The following GPA33 variants were observed in gnomAD, a reference collection of about 807,000 sequenced individuals.
GPA33 encodes glycoprotein A33.
GPA33 carries 27 observed loss-of-function variants against 35.6 expected under a neutral mutation model. The ratio of observed to expected loss-of-function variants is 0.76; its 90% confidence interval spans 0.56 to 1.04. The LOEUF (loss-of-function observed/expected upper bound fraction) is 1.04, where lower values mean the gene tolerates loss of function less well. Among genes scored for constraint, GPA33 ranks in the 50% least tolerant of loss-of-function variants. The pLI is 0.00. For synonymous variants in GPA33, 176 were observed against 164.0 expected (o/e 1.07, Z -0.56); for missense variants, 428 against 411.9 (o/e 1.04, Z -0.34).
intron 4 of GPA33, among the ~76,000 whole-genome samples, chr1:167,062,015 C>T (rs897710252): frequency 6.6e-6 from 1 of 152,042 alleles, no homozygotes; most frequent in African/African-American, 2.4e-5. Flanking sequence ...TCCCCACCCC[C>T]GGGGCACCTC....
intron 2 of GPA33, among the ~76,000 whole-genome samples, chr1:167,071,276 T>C (rs576317703): frequency 9.2e-5 from 14 of 152,324 alleles, no homozygotes; most frequent in African/African-American, 3.1e-4. Flanking sequence ...TGTGAAATGC[T>C]AATGAGAGAT....
At chr1:167,080,450 T>C (rs1312457910) in intron 1 of GPA33, among the ~76,000 whole-genome samples, 1 of 152,230 alleles carries the variant, frequency 6.6e-6, no homozygotes, top group African/African-American at 2.4e-5. Flanking sequence ...TTGTGTCACC[T>C]ACTACCCATG....
intron 5 of GPA33, 92 bp downstream of exon 5, chr1:167,055,638 A>T (rs1158423363): frequency 1.4e-6 from 2 of 1,419,292 alleles, no homozygotes; most frequent in African/African-American, 2.8e-5. Flanking sequence ...AGGTTCCCCT[A>T]TTCCTCCTCA....
At chr1:167,059,317 C>T (rs1169667416) in intron 4 of GPA33, among the ~76,000 whole-genome samples, 1 of 152,194 alleles carries the variant, frequency 6.6e-6, no homozygotes, top group East Asian at 1.9e-4. Flanking sequence ...AATGTTTCCG[C>T]TGCAGTGGCG....
intron 3 of GPA33, among the ~76,000 whole-genome samples, chr1:167,065,466 G>A (rs1666570689): frequency 6.6e-6 from 1 of 152,174 alleles, no homozygotes; most frequent in Admixed American, 6.5e-5. Context: ...GTTGCTCCTG[G>A]AATCCCTAGG....
chr1:167,070,526 G>A (rs1666697726), intron 2 of GPA33, among the ~76,000 whole-genome samples: 1 of 152,196 alleles, frequency 6.6e-6, no homozygotes, highest in African/African-American at 2.4e-5. Flanking sequence ...ACCGGGCATT[G>A]TGGCTCCAGA....
chr1:167,077,005 A>C (rs1384146400), intron 1 of GPA33, among the ~76,000 whole-genome samples: 3 of 152,132 alleles, frequency 2.0e-5, no homozygotes, highest in African/African-American at 4.8e-5. Flanking sequence ...CAGGAGTTCA[A>C]GACCAGCCTG....
At chr1:167,067,586 T>C (rs1412897499) in intron 3 of GPA33, among the ~76,000 whole-genome samples, 1 of 152,114 alleles carries the variant, frequency 6.6e-6, no homozygotes, top group East Asian at 1.9e-4. Context: ...ATGAGACCTA[T>C]TTAAGGGACC....
intron 3 of GPA33, among the ~76,000 whole-genome samples, chr1:167,067,093 C>A (rs1451863346): frequency 6.6e-6 from 1 of 152,020 alleles, no homozygotes; most frequent in Non-Finnish European, 1.5e-5. Context: ...AAACTTGTTT[C>A]TTCGAGTGCA....
intron 4 of GPA33, among the ~76,000 whole-genome samples, chr1:167,056,738 T>A (rs1367128301): frequency 6.2e-4 from 1 of 1,624 alleles, no homozygotes; most frequent in Non-Finnish European, 1.4e-3. Context: ...ATGTATGTGG[T>A]GTGTGTGGTG....
At chr1:167,076,009 G>T (rs934157523) in intron 1 of GPA33, among the ~76,000 whole-genome samples, 4 of 152,128 alleles carry the variant, frequency 2.6e-5, no homozygotes, top group Non-Finnish European at 4.4e-5. Flanking sequence ...GTGGGGTGGT[G>T]GGGATGGAGC....
chr1:167,069,008 G>A lies in GPA33; in HGVS notation c.329C>T (p.Ala110Val), dbSNP rs2102186239. The A allele has an allele frequency of 6.2e-7, 1 of 1,614,034 alleles. No homozygotes were observed. Among genetic ancestry groups the A allele is most frequent in the East Asian group, 2.2e-5 (1 of 44,888 alleles). The change falls in exon 3 of 7, where the codon GCT becomes GTT. Residue 110 changes from alanine to valine, a missense_variant. Transcript: ENST00000367868. ...ASITIDQLTMADNGTYECSVS... is the reference protein window; with the variant it reads ...ASITIDQLTMVDNGTYECSVS... ...AGAACACTCGTAGGTGCCGTTGTCA[G>A]CCATGGTCAGCTGATCAATGGTGAT... is the stretch of plus-strand genomic sequence containing the variant.
intron 3 of GPA33, among the ~76,000 whole-genome samples, chr1:167,066,912 C>T (rs1037597161): frequency 4.6e-5 from 7 of 152,318 alleles, no homozygotes; most frequent in African/African-American, 1.7e-4. Flanking sequence ...GGCTGAGGGG[C>T]CGCCGGGCTG....
intron 4 of GPA33, among the ~76,000 whole-genome samples, chr1:167,063,093 T>G (rs1666497824): frequency 6.6e-6 from 1 of 152,266 alleles, no homozygotes; most frequent in African/African-American, 2.4e-5. Flanking sequence ...ATGAATCATT[T>G]TTGTTTCTTG....
intron 2 of GPA33, 137 bp downstream of exon 2, chr1:167,073,248 C>T: frequency 1.4e-6 from 1 of 695,548 alleles, no homozygotes. Context: ...TTCACTGCTC[C>T]CTCCCCACCC....
chr1:167,063,877 G>C, intron 3 of GPA33, 140 bp from the exon 4 acceptor site: 1 of 619,312 alleles, frequency 1.6e-6, no homozygotes, highest in Non-Finnish European at 2.8e-6. Flanking sequence ...TGAGTAGTGA[G>C]ATGGAATGCT....
At chr1:167,064,875 G>A (rs1666555522) in intron 3 of GPA33, among the ~76,000 whole-genome samples, 1 of 152,182 alleles carries the variant, frequency 6.6e-6, no homozygotes, top group South Asian at 2.1e-4. Flanking sequence ...GTAAAGTTAT[G>A]TGCAGGGTGA....
chr1:167,056,656 TGGTAC>T (rs1666275157), intron 4 of GPA33, among the ~76,000 whole-genome samples: 2 of 23,942 alleles, frequency 8.4e-5, no homozygotes, highest in Admixed American at 4.4e-4. Flanking sequence ...GTAGTGTGTG[TGGTAC>T]GGTGAGTGTG....
intron 5 of GPA33, among the ~76,000 whole-genome samples, chr1:167,055,487 G>T (rs560771165): frequency 6.6e-6 from 1 of 152,260 alleles, no homozygotes; most frequent in Admixed American, 6.5e-5. Context: ...GACTGACAAA[G>T]CCTCTGAGTC....
Sources: allele counts gnomAD v4.1 joint callset (sites outside exome capture counted in the v4.1 genomes callset), GRCh38; gene constraint gnomAD v4.1.1; transcripts MANE v1.5; gene names NCBI Gene and HGNC (gene_info 2026-07-23, HGNC 2026-07-21).